Variants in PKD1L1 observed in about 807,000 individuals in gnomAD.
PKD1L1 encodes the protein polycystin-1-like protein 1.
Under a neutral mutation model 323.4 loss-of-function variants are expected in PKD1L1, and 236 were observed. The observed-to-expected ratio is 0.73, with a 90% CI of 0.66 to 0.81. The LOEUF (loss-of-function observed/expected upper bound fraction) is 0.81. Ranked by LOEUF, PKD1L1 falls within the 40% of genes least tolerant of loss-of-function variation. The pLI, the probability that PKD1L1 is intolerant of heterozygous loss-of-function variation, is 0.00. For synonymous variants in PKD1L1, 1,344 were observed against 1,335.0 expected, an observed-to-expected ratio of 1.01 and a Z score of -0.15; for missense variants, 3,320 against 3,508.0, an observed-to-expected ratio of 0.95 and a Z score of 1.35.
At chr7:47,884,525 G>A in intron 19 of PKD1L1, 73 bp downstream of exon 19, 1 of 1,375,802 alleles carries the variant, frequency 7.3e-7, no homozygotes, top group African/African-American at 1.4e-5. Context: ...GAACAGGTGG[G>A]AAATCCAGAT....
At chr7:47,782,408 A>T (rs1201739521) in intron 56 of PKD1L1, among the ~76,000 whole-genome samples, 2 of 152,176 alleles carry the variant, frequency 1.3e-5, no homozygotes, top group African/African-American at 4.8e-5. Context: ...AAATTATTCA[A>T]CTCAGGACAA....
chr7:47,945,010 G>A (rs1294299237), intron 1 of PKD1L1, among the ~76,000 whole-genome samples: 5 of 152,128 alleles, frequency 3.3e-5, no homozygotes, highest in African/African-American at 1.2e-4. Flanking sequence ...CTCCATATAG[G>A]CTGCTGTGCT....
At chr7:47,955,933 A>G in the PKD1L1 span, among the ~76,000 whole-genome samples, 2 of 152,216 alleles carry the variant, frequency 1.3e-5, no homozygotes, top group Non-Finnish European at 2.9e-5. Context: ...AAGAAGCTCT[A>G]AAAATCCAAA....
Position 47,931,990 on chromosome 7 carries a change from G to A in PKD1L1, c.465C>T (p.His155=). ...AWSSGGPRFH[H]RRLCATGTAD... Reference sequence around the variant, plus strand: ...CGGTCCCAGTAGCACACAGCCGCCTGTGATGGAACCTGGGGCCACCACTGC... The same window carrying A: ...CGGTCCCAGTAGCACACAGCCGCCTATGATGGAACCTGGGGCCACCACTGC... The change falls in exon 5 of 57, where the codon CAC becomes CAT. Residue 155 remains histidine (H), a synonymous_variant. Transcript: ENST00000289672. The A allele has an allele frequency of 6.2e-7, 1 of 1,614,126 alleles. No homozygotes were observed.
At chr7:47,776,891 T>G (rs1786580844) in intron 56 of PKD1L1, among the ~76,000 whole-genome samples, 1 of 150,112 alleles carries the variant, frequency 6.7e-6, no homozygotes, top group Non-Finnish European at 1.5e-5. Context: ...TTATTTTTAT[T>G]TATTTATTTA....
In PKD1L1 at chr7:47,829,441, G is replaced by A. The variant is rs1435129884; in HGVS notation, c.6719C>T (p.Ala2240Val). 1.9e-6 allele frequency: 3 copies of A among 1,607,698 alleles called. No homozygotes were observed. The highest frequency in any genetic ancestry group is 2.7e-5 in the African/African-American group (2 of 74,352). ...FSSSCSIPDC[A>V]GEVEKVLAAR... ...TTTTTTTACTTTTTCAACCTCGCCTGCACAGTCAGGAATACTGCAGCTTGA... is the reference window on the plus strand; with the variant it reads ...TTTTTTTACTTTTTCAACCTCGCCTACACAGTCAGGAATACTGCAGCTTGA... Residue 2240 changes from alanine to valine, a missense_variant, in exon 44 of 57, where the codon GCA becomes GTA. Transcript: ENST00000289672.
rs771313347 is a variant in PKD1L1 at position 47,936,952 on chromosome 7, A to C, written c.292T>G (p.Trp98Gly). ...AACGCTGCTTCACTAGTTGTTTTCC[A>C]AATGTTCTGTAAGAAAAAATAATAA... Reference protein sequence around the residue: ...SSSASRQKNIWKTTSEAALSV... With the variant: ...SSSASRQKNIGKTTSEAALSV... Residue 98 changes from tryptophan (W) to glycine (G), a missense_variant, in exon 4 of 57, where the codon TGG (tryptophan) becomes GGG (glycine). By Grantham distance (184) the Trp-to-Gly change is radical. Coordinates refer to ENST00000289672, the MANE Select transcript of PKD1L1 (RefSeq NM_138295.5). 3.7e-6 allele frequency: 6 copies of C among 1,606,242 alleles called. No individual in the cohort carries two copies. Among genetic ancestry groups the C allele is most frequent in the Middle Eastern group, 1.7e-4 (1 of 6,056 alleles).
intron 20 of PKD1L1, 29 bp from the exon 21 acceptor site, chr7:47,880,834 T>A (rs765161741): frequency 6.4e-7 from 1 of 1,565,908 alleles, no homozygotes; most frequent in Admixed American, 1.7e-5. Context: ...TGCATGGAAA[T>A]GACAGTCAGT....
chr7:47,858,781 C>G lies in PKD1L1; in HGVS notation c.4254G>C (p.Glu1418Asp). The stretch of plus-strand genomic sequence containing the variant: ...AGACTCTGGATATGAGACCGATGAG[C>G]TCAAGCCTCACTCCTTTGTCAATCA... Reference protein sequence around the residue: ...PFVIDKGVRLELIGLISRVWE... With the variant: ...PFVIDKGVRLDLIGLISRVWE... The change falls in exon 27 of 57, where the codon GAG (glutamate) becomes GAC (aspartate). Residue 1418 changes from glutamate to aspartate, a missense_variant. Physicochemically the swap from Glu to Asp is conservative, Grantham distance 45. Coordinates refer to ENST00000289672, the MANE Select transcript of PKD1L1 (RefSeq NM_138295.5). 1 of 1,614,192 alleles carries G rather than the reference C, an allele frequency of 6.2e-7. No individual in the cohort carries two copies. The highest frequency in any genetic ancestry group is 8.5e-7 in the Non-Finnish European group (1 of 1,180,032).
At chr7:47,813,376 A>G in intron 48 of PKD1L1, 83 bp from the exon 49 acceptor site, 1 of 1,424,196 alleles carries the variant, frequency 7.0e-7, no homozygotes, top group Non-Finnish European at 9.7e-7. Flanking sequence ...GCCTGGCCAC[A>G]TGTGAACACC....
intron 46 of PKD1L1, chr7:47,819,697 T>C: frequency 3.1e-6 from 2 of 653,808 alleles, no homozygotes; most frequent in Non-Finnish European, 4.7e-6. Flanking sequence ...CCCAGACTCA[T>C]AGCACTGGGA....
At chr7:47,806,851 A>T (rs997939700) in intron 52 of PKD1L1, among the ~76,000 whole-genome samples, 2 of 152,158 alleles carry the variant, frequency 1.3e-5, no homozygotes, top group African/African-American at 4.8e-5. Flanking sequence ...TGTTCCTCCA[A>T]GAAGAGGATG....
At chr7:47,941,038 T>C (rs983975076) in intron 2 of PKD1L1, among the ~76,000 whole-genome samples, 12 of 152,198 alleles carry the variant, frequency 7.9e-5, no homozygotes, top group African/African-American at 2.9e-4. Flanking sequence ...AAAGAAAATA[T>C]TTCTGCTAGA....
intron 2 of PKD1L1, among the ~76,000 whole-genome samples, chr7:47,940,569 C>T (rs1184699005): frequency 6.6e-6 from 1 of 152,214 alleles, no homozygotes; most frequent in African/African-American, 2.4e-5. Context: ...AACCACCAGC[C>T]ACGCTGATAA....
intron 37 of PKD1L1, 47 bp downstream of exon 37, chr7:47,836,874 T>C (rs767166144): frequency 6.3e-7 from 1 of 1,581,134 alleles, no homozygotes; most frequent in East Asian, 2.3e-5. Context: ...GGGGCCACAG[T>C]GTAGTCGGAT....
At chr7:47,888,207 C>A in intron 16 of PKD1L1, 57 bp from the exon 17 acceptor site, 2 of 1,528,016 alleles carry the variant, frequency 1.3e-6, no homozygotes, top group South Asian at 2.3e-5. Flanking sequence ...GTTCTTTGGT[C>A]ACATTAATTC....
chr7:47,812,174 G>A (rs1413987217), intron 49 of PKD1L1, 123 bp from the exon 50 acceptor site: 4 of 754,610 alleles, frequency 5.3e-6, no homozygotes, highest in Non-Finnish European at 8.7e-6. Context: ...AGGACACACA[G>A]TGCCTGGGCT....
Position 47,790,755 on chromosome 7 carries a change from A to T in PKD1L1, c.8526+1872T>A, listed in dbSNP as rs558560258. On this transcript the variant is annotated intron_variant, in intron 56 of 56. Transcript: ENST00000289672. Reference sequence around the variant, plus strand: ...TTTATTAGTGTGTGTTTTATTTTTTATTTTTATTTTTTCTGTTTTCTGTTT... The same window carrying T: ...TTTATTAGTGTGTGTTTTATTTTTTTTTTTTATTTTTTCTGTTTTCTGTTT... 8.4e-5 allele frequency among the ~76,000 whole-genome samples: 12 copies of T among 142,730 alleles called. No individual in the cohort carries two copies. The East Asian group carries it at 1.2e-3, about 15-fold the overall frequency. The allele number at this position is 142,730 out of a possible 152,430, so 93.6% of individuals were successfully genotyped here.
chr7:47,843,321 G>C, intron 33 of PKD1L1, 152 bp from the exon 34 acceptor site: 2 of 656,540 alleles, frequency 3.0e-6, no homozygotes, highest in Non-Finnish European at 5.1e-6. Context: ...AGTTAGAAGG[G>C]CTTTGAAGGC....
Sources: gnomAD v4.1 joint callset for allele counts (sites outside exome capture counted in the v4.1 genomes callset) on GRCh38, gnomAD v4.1.1 for gene constraint, MANE v1.5 for transcripts, NCBI Gene and HGNC (gene_info 2026-07-23, HGNC 2026-07-21) for gene names.